KIRREL3: variants seen among roughly 807,000 people sequenced by gnomAD.
KIRREL3 encodes kin of IRRE-like protein 3.
In KIRREL3, 36 loss-of-function variants were observed where a neutral mutation model predicts 89.7. That is an observed-to-expected ratio of 0.40 (90% CI 0.31 to 0.53). The LOEUF (loss-of-function observed/expected upper bound fraction) is 0.53, where lower values mean the gene tolerates loss of function less well. KIRREL3 is among the 20% of genes least tolerant of loss of function. KIRREL3 has a pLI of 0.49. For missense variants in KIRREL3, 864 were observed against 1,056.6 expected (o/e 0.82, Z 2.53); for synonymous variants, 445 against 441.4 (o/e 1.01, Z -0.10).
chr11:126,465,732 G>T (rs1956700815), intron 5 of KIRREL3, among the ~76,000 whole-genome samples: 1 of 152,184 alleles, frequency 6.6e-6, no homozygotes, highest in Admixed American at 6.5e-5. Context: ...GTGGCCAGAT[G>T]CAGCAAGCCG....
chr11:126,657,763 G>A (rs1591895864), intron 1 of KIRREL3, among the ~76,000 whole-genome samples: 1 of 152,352 alleles, frequency 6.6e-6, no homozygotes, highest in African/African-American at 2.4e-5. Flanking sequence ...TGTCCATGTA[G>A]AAACCTGTGC....
Position 126,736,320 on chromosome 11 carries a change from AGCAAACCGAG to A in KIRREL3, c.56-173418_56-173409del. Among the ~76,000 whole-genome samples, 1 of 152,344 alleles carries A rather than the reference AGCAAACCGAG, an allele frequency of 6.6e-6. No individual in the cohort carries two copies. Among genetic ancestry groups the A allele is most frequent in the East Asian group, 1.9e-4 (1 of 5,184 alleles). ...CACTATCATCTCCATTTTGCAGATA[AGCAAACCGAG>A]GCTCAGAGAAGTGAAATCATTTGAC... On this transcript the variant is annotated intron_variant, in intron 1 of 16. Coordinates refer to ENST00000525144, the MANE Select transcript of KIRREL3 (RefSeq NM_032531.4). The surrounding 1 kb of genome is among the most constrained non-coding windows in gnomAD (Gnocchi z 5.0).
chr11:126,428,525 ATG>A lies in KIRREL3; in HGVS notation c.1806+652_1806+653del, dbSNP rs758549136. The stretch of plus-strand genomic sequence containing the variant: ...CATGTATTGAATATCTATAATAGCT[ATG>A]TGTGTGTGTGCGGGGGAGGGGAGGG... On this transcript the variant is annotated intron_variant, in intron 15 of 16. Transcript: ENST00000525144. The surrounding 1 kb of genome is among the most constrained non-coding windows in gnomAD (Gnocchi z 6.4). Among the ~76,000 whole-genome samples, 1 of 150,920 alleles carries A rather than the reference ATG, an allele frequency of 6.6e-6. No homozygotes were observed. The highest frequency in any genetic ancestry group is 1.5e-5 in the Non-Finnish European group (1 of 67,814).
At chr11:126,893,067 G>A (rs1945990441) in intron 1 of KIRREL3, among the ~76,000 whole-genome samples, 1 of 152,218 alleles carries the variant, frequency 6.6e-6, no homozygotes, top group South Asian at 2.1e-4. Context: ...TTACATTAAA[G>A]AAGTACAGGA....
At chr11:126,839,110 C>T (rs531601320) in intron 1 of KIRREL3, among the ~76,000 whole-genome samples, 1 of 152,200 alleles carries the variant, frequency 6.6e-6, no homozygotes, top group Admixed American at 6.5e-5. Flanking sequence ...AAGTTTTTCA[C>T]AGAAACAGCG....
At chr11:126,457,183 T>TTG (rs1267466941) in intron 6 of KIRREL3, among the ~76,000 whole-genome samples, 3 of 70,664 alleles carry the variant, frequency 4.2e-5, no homozygotes, top group Non-Finnish European at 9.1e-5. Flanking sequence ...GGAAGAGAGA[T>TTG]TATGTGTGTG....
rs939744093 is a variant in KIRREL3 at position 126,683,973 on chromosome 11, G to C, written c.56-121061C>G. ...CTCAGAGGTCCCTTACAGGGTGGTG[G>C]GACCCAGGGCCCAGGGTTTGGCTCC... On this transcript the variant is annotated intron_variant, in intron 1 of 16. Transcript: ENST00000525144. The surrounding 1 kb of genome is among the most constrained non-coding windows in gnomAD (Gnocchi z 5.2). 2.6e-5 allele frequency among the ~76,000 whole-genome samples: 4 copies of C among 152,232 alleles called. No homozygotes were observed. Among genetic ancestry groups the C allele is most frequent in the Admixed American group, 6.5e-5 (1 of 15,288 alleles).
chr11:126,947,984 C>A (rs1784332), intron 1 of KIRREL3, among the ~76,000 whole-genome samples: 135,072 of 152,158 alleles, frequency 0.89, 60,074 homozygotes, highest in Middle Eastern at 0.96. Context: ...GCTCCTTAGG[C>A]GTTAACTCAG....
intron 1 of KIRREL3, among the ~76,000 whole-genome samples, chr11:126,966,566 C>T (rs1949278879): frequency 6.6e-6 from 1 of 152,126 alleles, no homozygotes; most frequent in African/African-American, 2.4e-5. Context: ...CGAAGGAGAC[C>T]TAGGTGGTGT....
intron 1 of KIRREL3, among the ~76,000 whole-genome samples, chr11:126,862,177 G>C (rs951958760): frequency 6.6e-6 from 1 of 152,196 alleles, no homozygotes; most frequent in Non-Finnish European, 1.5e-5. Flanking sequence ...TACTACACAT[G>C]TTGTTTTGCT....
Position 126,486,273 on chromosome 11 carries a change from C to G in KIRREL3, c.434-12807G>C, listed in dbSNP as rs1565492347. On this transcript the variant is annotated intron_variant, in intron 4 of 16. Transcript: ENST00000525144. This position sits in a 1 kb window ranked among gnomAD's most constrained non-coding sequence, Gnocchi z 6.2. ...GGTGAGAGGGCTTGGGAGAGGCCAG[C>G]AGAGAAGGGACAGTGGGGTGGGGGA... 6.6e-6 allele frequency among the ~76,000 whole-genome samples: 1 copy of G among 151,978 alleles called. No individual in the cohort carries two copies. Among genetic ancestry groups the G allele is most frequent in the Non-Finnish European group, 1.5e-5 (1 of 67,994 alleles).
chr11:126,666,888 T>TG lies in KIRREL3; in HGVS notation c.56-103977dup, dbSNP rs1254389567. ...GGATACAGGTTTGATGAAAGGTCCC[T>TG]GGGGAATGAGAGGGCTTAGCCAACA... On this transcript the variant is annotated intron_variant, in intron 1 of 16. Transcript: ENST00000525144. The surrounding 1 kb of genome is among the most constrained non-coding windows in gnomAD (Gnocchi z 4.2). 3.9e-5 allele frequency among the ~76,000 whole-genome samples: 6 copies of TG among 152,278 alleles called. No homozygotes were observed. The East Asian group carries it at 9.7e-4, about 25-fold the overall frequency.
chr11:126,747,925 C>T lies in KIRREL3; in HGVS notation c.56-185013G>A, dbSNP rs1274433462. The stretch of plus-strand genomic sequence containing the variant: ...GGCGTTGCGGTCTTTCCCTATCCCA[C>T]AGGGTCTAGATGCGGCCTTCCCAGG... On this transcript the variant is annotated intron_variant, in intron 1 of 16. Transcript: ENST00000525144. This position sits in a 1 kb window ranked among gnomAD's most constrained non-coding sequence, Gnocchi z 4.7. Among the ~76,000 whole-genome samples, 1 of 152,154 alleles carries T rather than the reference C, an allele frequency of 6.6e-6. No individual in the cohort carries two copies. Among genetic ancestry groups the T allele is most frequent in the African/African-American group, 2.4e-5 (1 of 41,440 alleles).
intron 1 of KIRREL3, among the ~76,000 whole-genome samples, chr11:126,707,022 T>G (rs1754695457): frequency 6.6e-6 from 1 of 151,912 alleles, no homozygotes; most frequent in Admixed American, 6.6e-5. Context: ...GGTGTGATCA[T>G]AGTTCACTGT....
chr11:126,638,183 T>A (rs997194710), intron 1 of KIRREL3, among the ~76,000 whole-genome samples: 14 of 152,222 alleles, frequency 9.2e-5, no homozygotes, highest in African/African-American at 3.1e-4. Context: ...CACTGACTTC[T>A]CAGAATTTGA....
In KIRREL3 at chr11:126,882,512, C is replaced by T. The variant is rs144717964; in HGVS notation, c.55+117943G>A. 1.6e-4 allele frequency among the ~76,000 whole-genome samples: 21 copies of T among 134,568 alleles called. 1 individual carries two copies. The East Asian group carries it at 3.4e-3, about 22-fold the overall frequency. 88.3% of individuals were successfully genotyped at this position (134,568 alleles called of 152,430 possible). ...CCCATGCAATTGTGACCAGGAGAAA[C>T]GCTCTGGCTCCTGGTACAAAGAGAT... On this transcript the variant is annotated intron_variant, in intron 1 of 16. Coordinates refer to ENST00000525144, the MANE Select transcript of KIRREL3 (RefSeq NM_032531.4).
intron 1 of KIRREL3, among the ~76,000 whole-genome samples, chr11:126,702,923 C>T (rs1947366076): frequency 6.6e-6 from 1 of 152,240 alleles, no homozygotes; most frequent in Admixed American, 6.5e-5. Context: ...CATTCTGCCT[C>T]CATTCCTTGC....
At position 126,931,687 on chromosome 11, in the gene KIRREL3, T is replaced by C. The variant is rs934260201; in HGVS notation, c.55+68768A>G. Among the ~76,000 whole-genome samples, 5 of 152,248 alleles carry C rather than the reference T, an allele frequency of 3.3e-5. No individual in the cohort carries two copies. Among genetic ancestry groups the C allele is most frequent in the Admixed American group, 2.6e-4 (4 of 15,288 alleles). ...TATGGAATAGTGGCAGATACCCATATTCATTCTTCCTTACAGCATTCTGGG... is the reference window on the plus strand; with the variant it reads ...TATGGAATAGTGGCAGATACCCATACTCATTCTTCCTTACAGCATTCTGGG... On this transcript the variant is annotated intron_variant, in intron 1 of 16. Coordinates refer to ENST00000525144, the MANE Select transcript of KIRREL3 (RefSeq NM_032531.4). The surrounding 1 kb of genome is among the most constrained non-coding windows in gnomAD (Gnocchi z 5.1).
intron 1 of KIRREL3, among the ~76,000 whole-genome samples, chr11:126,923,762 T>C (rs962723590): frequency 6.6e-6 from 1 of 152,122 alleles, no homozygotes; most frequent in African/African-American, 2.4e-5. Context: ...TCTTACGTGA[T>C]GGTCTATCTT....
Sources: gnomAD v4.1 joint callset for allele counts (sites outside exome capture counted in the v4.1 genomes callset) on GRCh38, gnomAD v4.1.1 for gene constraint, Gnocchi (gnomAD v3.1) non-coding constraint, MANE v1.5 for transcripts, NCBI Gene and HGNC (gene_info 2026-07-23, HGNC 2026-07-21) for gene names.